Variants in PRKCZ observed in about 807,000 individuals in gnomAD.
The protein encoded by PRKCZ is protein kinase C zeta.
In PRKCZ, 33 loss-of-function variants were observed where a neutral mutation model predicts 79.5. That is an observed-to-expected ratio of 0.41 (90% CI 0.31 to 0.55). The LOEUF is 0.55. Ranked by LOEUF, PRKCZ falls within the 20% of genes least tolerant of loss-of-function variation. The probability of loss-of-function intolerance (pLI) is 0.19; values close to 1 mark genes in which losing one functional copy is unlikely to be tolerated. For synonymous variants in PRKCZ, 342 were observed against 320.9 expected (o/e 1.07, Z -0.70); for missense variants, 578 against 813.5 (o/e 0.71, Z 3.52).
chr1:2,083,105 T>C (rs1663872841), intron 4 of PRKCZ, among the ~76,000 whole-genome samples: 1 of 152,196 alleles, frequency 6.6e-6, no homozygotes, highest in African/African-American at 2.4e-5. Context: ...CACGTATCGT[T>C]AGCGTTTCCC....
At chr1:2,138,527 G>A (rs1350063541) in intron 5 of PRKCZ, among the ~76,000 whole-genome samples, 2 of 152,174 alleles carry the variant, frequency 1.3e-5, no homozygotes, top group Non-Finnish European at 1.5e-5. Flanking sequence ...GGATCCTCCA[G>A]TAAATCCTGA....
At chr1:2,170,126 A>G (rs1421945557) in intron 11 of PRKCZ, among the ~76,000 whole-genome samples, 1 of 152,114 alleles carries the variant, frequency 6.6e-6, no homozygotes, top group Non-Finnish European at 1.5e-5. Flanking sequence ...GTGGCACAGC[A>G]TGGCCAGCAT....
At chr1:2,073,884 A>G in intron 4 of PRKCZ, 1 of 1,180,734 alleles carries the variant, frequency 8.5e-7, no homozygotes, top group Admixed American at 4.1e-5. Flanking sequence ...CCCGCCGCGC[A>G]CAGAGCATAA....
rs946550145 is a variant in PRKCZ at position 2,090,166 on chromosome 1, G to C, written c.334+30575G>C. Among the ~76,000 whole-genome samples, 6 of 152,202 alleles carry C rather than the reference G, an allele frequency of 3.9e-5. No individual in the cohort carries two copies. In the South Asian group the frequency reaches 1.2e-3, roughly 32 times the overall value. ...ACTGATTACATCTGCAGTGTCCTATGTGTAAATAAGGGCATGTTCTGAGCT... is the reference window on the plus strand; with the variant it reads ...ACTGATTACATCTGCAGTGTCCTATCTGTAAATAAGGGCATGTTCTGAGCT... On this transcript the variant is annotated intron_variant, in intron 4 of 17. Coordinates refer to ENST00000378567, the MANE Select transcript of PRKCZ (RefSeq NM_002744.6).
intron 4 of PRKCZ, among the ~76,000 whole-genome samples, chr1:2,120,777 CTACCCT>C (rs1671731007): frequency 1.3e-5 from 2 of 150,972 alleles, no homozygotes; most frequent in Non-Finnish European, 2.9e-5. Flanking sequence ...ACTCTTAAAT[CTACCCT>C]TTAAATTATT....
chr1:2,136,025 C>T (rs1676129123), intron 5 of PRKCZ, among the ~76,000 whole-genome samples: 1 of 152,094 alleles, frequency 6.6e-6, no homozygotes, highest in South Asian at 2.1e-4. Flanking sequence ...CCTGTCCCCA[C>T]TGCGGGACTC....
intron 4 of PRKCZ, among the ~76,000 whole-genome samples, chr1:2,122,264 CACG>C (rs1672424404): frequency 5.4e-4 from 1 of 1,862 alleles, no homozygotes; most frequent in Non-Finnish European, 8.7e-4. Context: ...TGGTTAGGGT[CACG>C]GTGGTGGTTA....
chr1:2,053,162 G>A (rs1045042910), intron 1 of PRKCZ, among the ~76,000 whole-genome samples: 2 of 150,918 alleles, frequency 1.3e-5, no homozygotes, highest in African/African-American at 4.9e-5. Flanking sequence ...CTGCAGTGGT[G>A]TGGTCTCGGC....
chr1:2,091,419 T>G (rs1289280322), intron 4 of PRKCZ, among the ~76,000 whole-genome samples: 1 of 152,216 alleles, frequency 6.6e-6, no homozygotes, highest in Non-Finnish European at 1.5e-5. Context: ...TTCAGTAAAG[T>G]AAATTCATGC....
intron 4 of PRKCZ, among the ~76,000 whole-genome samples, chr1:2,096,030 G>T (rs1020008934): frequency 2.0e-5 from 3 of 150,960 alleles, no homozygotes; most frequent in Admixed American, 2.0e-4. Context: ...TGTGGGGGCC[G>T]GGCCTGTCTG....
At chr1:2,137,059 C>T (rs766884965) in intron 5 of PRKCZ, among the ~76,000 whole-genome samples, 2 of 152,128 alleles carry the variant, frequency 1.3e-5, no homozygotes, top group Non-Finnish European at 2.9e-5. Flanking sequence ...CACTCCGAGT[C>T]CAAAAGCCTC....
chr1:2,100,374 T>C (rs911880310), intron 4 of PRKCZ, among the ~76,000 whole-genome samples: 1 of 152,234 alleles, frequency 6.6e-6, no homozygotes, highest in Non-Finnish European at 1.5e-5. Flanking sequence ...TGTCTGTCCC[T>C]GCCCAGAGGC....
chr1:2,097,603 C>G (rs72914889), intron 4 of PRKCZ, among the ~76,000 whole-genome samples: 3,192 of 152,058 alleles, frequency 0.021, 130 homozygotes, highest in African/African-American at 0.073. Flanking sequence ...CCGGAAGGCA[C>G]GCCTCGCACC....
At position 2,173,985 on chromosome 1, in the gene PRKCZ, G is replaced by A. The variant is rs370385337; in HGVS notation, c.1374G>A (p.Pro458=). Reference sequence around the variant, plus strand: ...CGTTCGACATCATCACCGACAACCCGGACATGAACACAGAGGACTACCTTT... The same window carrying A: ...CGTTCGACATCATCACCGACAACCCAGACATGAACACAGAGGACTACCTTT... ...RSPFDIITDN[P]DMNTEDYLFQ... is the part of the protein sequence containing the mutation. The change falls in exon 14 of 18, where the codon CCG becomes CCA. Residue 458 remains proline (P), a synonymous_variant. Transcript: ENST00000378567. The surrounding 1 kb of genome is among the most constrained non-coding windows in gnomAD (Gnocchi z 5.7). 41 of 1,612,368 alleles carry A rather than the reference G, an allele frequency of 2.5e-5. No homozygotes were observed. Among genetic ancestry groups the A allele is most frequent in the Non-Finnish European group, 3.2e-5 (38 of 1,179,358 alleles).
At position 2,111,263 on chromosome 1, in the gene PRKCZ, C is replaced by T. The variant is rs114726549; in HGVS notation, c.335-23999C>T. On this transcript the variant is annotated intron_variant, in intron 4 of 17. Transcript: ENST00000378567. ...AAGAGGCAGAGAAGGTGTCTTTGGA[C>T]CACTTAGGGGACGGGGAGGGAACCC... Among the ~76,000 whole-genome samples the T allele has an allele frequency of 1.8e-3, 272 of 152,060 alleles. 3 individuals carry two copies. The highest frequency in any genetic ancestry group is 6.2e-3 in the South Asian group (30 of 4,812).
chr1:2,165,543 G>A lies in PRKCZ; in HGVS notation c.975-3975G>A, dbSNP rs1169080443. ...GACGCTTACTGAGGGCCACACCAGC[G>A]GTCAGCAAAGGTTGTCTTAAAGGGT... On this transcript the variant is annotated intron_variant, in intron 10 of 17. Coordinates refer to ENST00000378567, the MANE Select transcript of PRKCZ (RefSeq NM_002744.6). The surrounding 1 kb of genome is among the most constrained non-coding windows in gnomAD (Gnocchi z 4.1). Among the ~76,000 whole-genome samples the A allele has an allele frequency of 6.6e-6, 1 of 152,208 alleles. No individual in the cohort carries two copies. Among genetic ancestry groups the A allele is most frequent in the Non-Finnish European group, 1.5e-5 (1 of 68,052 alleles).
chr1:2,062,292 T>G (rs1571117696), intron 4 of PRKCZ, among the ~76,000 whole-genome samples: 1 of 152,086 alleles, frequency 6.6e-6, no homozygotes, highest in Non-Finnish European at 1.5e-5. Flanking sequence ...CCGCTCAGCC[T>G]CTGTCTCTGT....
intron 4 of PRKCZ, among the ~76,000 whole-genome samples, chr1:2,099,848 G>A (rs1317536248): frequency 6.6e-6 from 1 of 152,200 alleles, no homozygotes. Flanking sequence ...CAGATCACTC[G>A]CAAGGAATGG....
At chr1:2,090,989 A>G (rs142169216) in intron 4 of PRKCZ, among the ~76,000 whole-genome samples, 10 of 152,294 alleles carry the variant, frequency 6.6e-5, no homozygotes, top group African/African-American at 2.4e-4. Context: ...CATCATATAG[A>G]TGTGCTTTAA....
Sources: gnomAD v4.1 joint callset for allele counts (sites outside exome capture counted in the v4.1 genomes callset) on GRCh38, gnomAD v4.1.1 for gene constraint, Gnocchi (gnomAD v3.1) non-coding constraint, MANE v1.5 for transcripts, NCBI Gene and HGNC (gene_info 2026-07-23, HGNC 2026-07-21) for gene names.